CACNA2D1: variants seen among roughly 807,000 people sequenced by gnomAD.
CACNA2D1 encodes the protein calcium voltage-gated channel auxiliary subunit alpha2delta 1.
CACNA2D1 carries 53 observed loss-of-function variants against 171.5 expected under a neutral mutation model. The ratio of observed to expected loss-of-function variants is 0.31; its 90% CI spans 0.25 to 0.39. The LOEUF is 0.39. CACNA2D1 is among the 10% of genes least tolerant of loss of function. CACNA2D1 has a pLI of 1.00. For synonymous variants in CACNA2D1, 442 were observed against 443.1 expected, an observed-to-expected ratio of 1.00 and a Z score of 0.03; for missense variants, 903 against 1,299.8, an observed-to-expected ratio of 0.69 and a Z score of 4.69.
chr7:82,284,911 C>T (rs961478318), intron 3 of CACNA2D1, among the ~76,000 whole-genome samples: 7 of 151,998 alleles, frequency 4.6e-5, no homozygotes, highest in African/African-American at 1.7e-4. Flanking sequence ...TTTTACGCAT[C>T]CATTTTTTTT....
chr7:82,366,903 C>CG (rs1182154290), intron 1 of CACNA2D1, among the ~76,000 whole-genome samples: 1 of 86,944 alleles, frequency 1.2e-5, no homozygotes, highest in Non-Finnish European at 2.3e-5. Flanking sequence ...TGGTTTTGAC[C>CG]TTTTTTTTTT....
intron 3 of CACNA2D1, among the ~76,000 whole-genome samples, chr7:82,287,871 G>A (rs1263286216): frequency 2.6e-5 from 4 of 151,108 alleles, no homozygotes; most frequent in Non-Finnish European, 4.4e-5. Context: ...ACAGAGTCTC[G>A]CTCTGTCGCC....
chr7:82,422,512 T>C (rs967101259), intron 1 of CACNA2D1, among the ~76,000 whole-genome samples: 1 of 152,118 alleles, frequency 6.6e-6, no homozygotes, highest in Non-Finnish European at 1.5e-5. Context: ...TGCAGCATCT[T>C]TGTAAAAAGA....
At chr7:82,391,944 T>C (rs970046117) in intron 1 of CACNA2D1, among the ~76,000 whole-genome samples, 1 of 152,180 alleles carries the variant, frequency 6.6e-6, no homozygotes, top group African/African-American at 2.4e-5. Context: ...TTTGAAAATA[T>C]TGCTGTGAAG....
At chr7:82,426,240 G>A (rs1460172866) in intron 1 of CACNA2D1, among the ~76,000 whole-genome samples, 1 of 151,920 alleles carries the variant, frequency 6.6e-6, no homozygotes, top group Non-Finnish European at 1.5e-5. Flanking sequence ...ATCAGTCTTT[G>A]ATTTCCTCTG....
chr7:82,406,538 A>G (rs1293569756), intron 1 of CACNA2D1, among the ~76,000 whole-genome samples: 2 of 152,162 alleles, frequency 1.3e-5, no homozygotes, highest in Admixed American at 1.3e-4. Flanking sequence ...ATTTCTCCAC[A>G]TCCTCTCCAG....
chr7:82,035,377 A>C (rs1362516509), intron 11 of CACNA2D1, among the ~76,000 whole-genome samples: 1 of 152,046 alleles, frequency 6.6e-6, no homozygotes, highest in Non-Finnish European at 1.5e-5. Flanking sequence ...TTTGAGCAAT[A>C]AGATGACTGG....
intron 22 of CACNA2D1, 45 bp from the exon 23 acceptor site, chr7:81,983,379 A>G: frequency 6.6e-7 from 1 of 1,507,408 alleles, no homozygotes. Flanking sequence ...ACAAAAAAAA[A>G]AGAGGGTAAA....
intron 1 of CACNA2D1, among the ~76,000 whole-genome samples, chr7:82,384,862 T>G (rs2129449806): frequency 6.6e-6 from 1 of 152,328 alleles, no homozygotes; most frequent in Non-Finnish European, 1.5e-5. Flanking sequence ...TGGAGTTCTT[T>G]TTTACTGAAT....
At chr7:82,141,373 T>G (rs1792360172) in intron 4 of CACNA2D1, among the ~76,000 whole-genome samples, 1 of 142,314 alleles carries the variant, frequency 7.0e-6, no homozygotes, top group African/African-American at 2.8e-5. Context: ...GGGAGGAAAT[T>G]TAAAAAAAAA....
chr7:82,064,028 T>A (rs148880596), intron 9 of CACNA2D1, among the ~76,000 whole-genome samples: 21 of 152,056 alleles, frequency 1.4e-4, no homozygotes, highest in Non-Finnish European at 2.4e-4. Context: ...CCCGAACAAG[T>A]TCCAACATTA....
At chr7:81,951,867 C>G (rs1792557476) in intron 38 of CACNA2D1, among the ~76,000 whole-genome samples, 1 of 151,168 alleles carries the variant, frequency 6.6e-6, no homozygotes, top group Admixed American at 6.6e-5. Context: ...AGTGGGACTA[C>G]TGGATCAAAT....
chr7:82,093,004 T>G (rs2129021389), intron 6 of CACNA2D1, among the ~76,000 whole-genome samples: 1 of 152,152 alleles, frequency 6.6e-6, no homozygotes, highest in African/African-American at 2.4e-5. Flanking sequence ...TGTGGTTTTT[T>G]TTTGTTTTGT....
intron 3 of CACNA2D1, among the ~76,000 whole-genome samples, chr7:82,195,173 T>A (rs1254140745): frequency 3.3e-5 from 5 of 151,988 alleles, no homozygotes; most frequent in Admixed American, 2.0e-4. Flanking sequence ...GTACCAGGGA[T>A]ACAGATTTAA....
intron 3 of CACNA2D1, among the ~76,000 whole-genome samples, chr7:82,213,741 C>T (rs1466118556): frequency 6.6e-6 from 1 of 152,124 alleles, no homozygotes; most frequent in Non-Finnish European, 1.5e-5. Context: ...GCTGACTTGT[C>T]ACGCTGAAAT....
At chr7:82,190,116 T>C (rs780513924) in intron 3 of CACNA2D1, among the ~76,000 whole-genome samples, 1 of 151,818 alleles carries the variant, frequency 6.6e-6, no homozygotes, top group Non-Finnish European at 1.5e-5. Context: ...GCCTCTTTAG[T>C]GAAGGGTTGT....
At chr7:82,142,955 T>C (rs1423552568) in intron 4 of CACNA2D1, among the ~76,000 whole-genome samples, 2 of 152,138 alleles carry the variant, frequency 1.3e-5, no homozygotes, top group South Asian at 2.1e-4. Context: ...TTATCAACTG[T>C]TGTACCTGGG....
intron 38 of CACNA2D1, among the ~76,000 whole-genome samples, chr7:81,954,304 T>TTA (rs940878380): frequency 4.6e-5 from 7 of 151,834 alleles, no homozygotes; most frequent in African/African-American, 1.4e-4. Context: ...AGTGCCAATA[T>TTA]TATATATATA....
In CACNA2D1 at chr7:82,363,254, C is replaced by CTCTTTTTTTTTT. The variant is rs1821286522; in HGVS notation, c.96-13606_96-13605insAAAAAAAAAAGA. Among the ~76,000 whole-genome samples the CTCTTTTTTTTTT allele has an allele frequency of 9.6e-4, 61 of 63,434 alleles. 1 individual carries two copies. The highest frequency in any genetic ancestry group is 4.9e-3 in the African/African-American group (59 of 11,948). The allele number at this position is 63,434 out of a possible 152,430, so 41.6% of individuals were successfully genotyped here. On this transcript the variant is annotated intron_variant, in intron 1 of 38. Transcript: ENST00000356860. ...CTACCATAGTTTTATTTATTTGTCT[C>CTCTTTTTTTTTT]TTTTTTTTTTTTTTTTTTTTTTTTT... is the stretch of plus-strand genomic sequence containing the variant.
Sources: allele counts gnomAD v4.1 joint callset (sites outside exome capture counted in the v4.1 genomes callset), GRCh38; gene constraint gnomAD v4.1.1; transcripts MANE v1.5; gene names NCBI Gene and HGNC (gene_info 2026-07-23, HGNC 2026-07-21).